PCDHGB1: variants seen among roughly 807,000 people sequenced by gnomAD.
PCDHGB1 encodes protocadherin gamma subfamily B, 1.
Under a neutral mutation model 56.6 loss-of-function variants are expected in PCDHGB1, and 34 were observed. The observed-to-expected ratio is 0.60, with a 90% confidence interval of 0.46 to 0.80. PCDHGB1 has a LOEUF of 0.80. Among genes scored for constraint, PCDHGB1 ranks in the 30% least tolerant of loss-of-function variants. The probability of loss-of-function intolerance (pLI) is 0.00; values close to 1 mark genes in which losing one functional copy is unlikely to be tolerated. For missense variants in PCDHGB1, 1,278 were observed against 1,204.6 expected, an observed-to-expected ratio of 1.06 and a Z score of -0.90; for synonymous variants, 561 against 505.9, an observed-to-expected ratio of 1.11 and a Z score of -1.46.
chr5:141,370,893 C>T (rs116495533), intron 1 of PCDHGB1: 4 of 1,613,944 alleles, frequency 2.5e-6, no homozygotes, highest in Admixed American at 3.3e-5. Flanking sequence ...TGTCAATTCG[C>T]TGCAGCAGTA....
intron 1 of PCDHGB1, chr5:141,375,861 C>T (rs567912144): frequency 1.9e-6 from 3 of 1,613,986 alleles, no homozygotes; most frequent in Middle Eastern, 1.7e-4. Flanking sequence ...AAGGTGGTGG[C>T]GGTGGACAGA....
chr5:141,365,153 G>A, intron 1 of PCDHGB1: 1 of 1,613,872 alleles, frequency 6.2e-7, no homozygotes, highest in Non-Finnish European at 8.5e-7. Flanking sequence ...GGGAATAAAC[G>A]GGAAATTGAC....
rs760790964 is a variant in PCDHGB1, at chr5:141,374,159, G to T, written c.2409+21490G>T. The T allele has an allele frequency of 2.7e-5, 44 of 1,612,170 alleles. No homozygotes were observed. Among genetic ancestry groups the T allele is most frequent in the Non-Finnish European group, 3.4e-5 (40 of 1,179,004 alleles). ...CACGCTCCTGGGGACGCTGTGGGGG[G>T]CCGCGGCAGCGCAGATCCGCTACTC... On this transcript the variant is annotated intron_variant, in intron 1 of 3. Transcript: ENST00000523390.
intron 1 of PCDHGB1, chr5:141,430,495 T>C: frequency 3.4e-6 from 1 of 293,400 alleles, no homozygotes; most frequent in Non-Finnish European, 6.2e-6. Context: ...GAAATATCCT[T>C]TCTGGGAGTT....
chr5:141,419,322 C>T lies in PCDHGB1; in HGVS notation c.2409+66653C>T, dbSNP rs370480327. The stretch of plus-strand genomic sequence containing the variant: ...GACTTCGGGCTCAACGGCCGTGTCT[C>T]CTACTCTCTCATTGCCAGCGACCTG... On this transcript the variant is annotated intron_variant, in intron 1 of 3. Transcript: ENST00000523390. 164 of 1,613,852 alleles carry T rather than the reference C, an allele frequency of 1.0e-4. No individual in the cohort carries two copies. Among genetic ancestry groups the T allele is most frequent in the Non-Finnish European group, 1.3e-4 (153 of 1,179,898 alleles).
chr5:141,364,890 A>G (rs765566914), intron 1 of PCDHGB1: 2 of 1,613,858 alleles, frequency 1.2e-6, no homozygotes, highest in African/African-American at 2.7e-5. Flanking sequence ...AGCGGAACTG[A>G]TGGACAAAAG....
intron 1 of PCDHGB1, among the ~76,000 whole-genome samples, chr5:141,364,008 C>G (rs553317478): frequency 6.6e-6 from 1 of 152,076 alleles, no homozygotes; most frequent in African/African-American, 2.4e-5. Flanking sequence ...TCATAAACAA[C>G]GCTACACAGT....
At chr5:141,503,133 C>A (rs1164077875) in intron 2 of PCDHGB1, among the ~76,000 whole-genome samples, 1 of 152,002 alleles carries the variant, frequency 6.6e-6, no homozygotes, top group Non-Finnish European at 1.5e-5. Context: ...CTGGTAGCCC[C>A]TGACACAGCC....
intron 1 of PCDHGB1, chr5:141,360,132 G>A (rs1234276990): frequency 6.3e-7 from 1 of 1,589,922 alleles, no homozygotes; most frequent in Non-Finnish European, 8.6e-7. Flanking sequence ...AAGGGAGCCA[G>A]AAGATGAAAG....
At chr5:141,502,887 G>T (rs2099816882) in intron 2 of PCDHGB1, among the ~76,000 whole-genome samples, 1 of 40,910 alleles carries the variant, frequency 2.4e-5, no homozygotes, top group Non-Finnish European at 4.5e-5. Context: ...TTTTGACAGG[G>T]AGTCTAGCTC....
chr5:141,503,910 G>A (rs1311674998), intron 2 of PCDHGB1, among the ~76,000 whole-genome samples: 1 of 152,062 alleles, frequency 6.6e-6, no homozygotes, highest in Admixed American at 6.6e-5. Flanking sequence ...CACACACAAC[G>A]CAACACACAC....
intron 1 of PCDHGB1, chr5:141,440,247 T>C (rs1158469276): frequency 1.3e-5 from 2 of 152,296 alleles, no homozygotes; most frequent in Non-Finnish European, 2.9e-5. Context: ...GGCGAGCAGA[T>C]TACGAGGTCA....
chr5:141,361,643 C>T, intron 1 of PCDHGB1: 1 of 1,613,858 alleles, frequency 6.2e-7, no homozygotes, highest in Non-Finnish European at 8.5e-7. Context: ...GAGATTTTAT[C>T]CTACGTGTCC....
At chr5:141,366,768 G>A (rs903318821) in intron 1 of PCDHGB1, 26 of 1,601,610 alleles carry the variant, frequency 1.6e-5, no homozygotes, top group Non-Finnish European at 2.0e-5. Flanking sequence ...TTTCTCTTTC[G>A]GTAAGGATGA....
intron 1 of PCDHGB1, chr5:141,478,777 C>T: frequency 6.7e-7 from 1 of 1,488,806 alleles, no homozygotes. Context: ...CATCTGTGGA[C>T]CTAATTCACA....
At chr5:141,364,343 C>T in intron 1 of PCDHGB1, 1 of 1,541,934 alleles carries the variant, frequency 6.5e-7, no homozygotes, top group Non-Finnish European at 8.7e-7. Context: ...GGCGAGTCCA[C>T]CTAGGGGCTG....
chr5:141,505,528 C>T (rs746609783), intron 3 of PCDHGB1, 47 bp downstream of exon 3: 4 of 1,612,320 alleles, frequency 2.5e-6, no homozygotes, highest in Non-Finnish European at 3.4e-6. Context: ...ACCTGGGGTT[C>T]TGGGGTGCAT....
Position 141,372,286 on chromosome 5 carries a change from C to T in PCDHGB1, c.2409+19617C>T, listed in dbSNP as rs62620706. 47 of 1,613,150 alleles carry T rather than the reference C, an allele frequency of 2.9e-5. No homozygotes were observed. The African/African-American group carries it at 5.9e-4, about 20-fold the overall frequency. ...ACGGGTGAGGTGCGCACGGCGCGTA[C>T]CTTGGGCGACAGGGAGGCCGCCCGC... On this transcript the variant is annotated intron_variant, in intron 1 of 3. Coordinates refer to ENST00000523390, the MANE Select transcript of PCDHGB1 (RefSeq NM_018922.3).
intron 1 of PCDHGB1, chr5:141,403,621 C>T: frequency 6.2e-7 from 1 of 1,613,926 alleles, no homozygotes; most frequent in Non-Finnish European, 8.5e-7. Flanking sequence ...CGCGTCGCTC[C>T]AGCACAGTGC....
Sources: gnomAD v4.1 joint callset for allele counts (sites outside exome capture counted in the v4.1 genomes callset) on GRCh38, gnomAD v4.1.1 for gene constraint, MANE v1.5 for transcripts, NCBI Gene and HGNC (gene_info 2026-07-23, HGNC 2026-07-21) for gene names.